Variants in TRIM55 observed in about 807,000 individuals in gnomAD.
The protein encoded by TRIM55 is tripartite motif containing 55, also known as tripartite motif-containing protein 55.
Under a neutral mutation model 60.9 loss-of-function variants are expected in TRIM55, and 50 were observed. The ratio of observed to expected loss-of-function variants is 0.82; its 90% CI spans 0.65 to 1.04. The LOEUF is 1.04. Ranked by LOEUF, TRIM55 falls within the 50% of genes least tolerant of loss-of-function variation. TRIM55 has a pLI of 0.00. For missense variants in TRIM55, 681 were observed against 666.9 expected (o/e 1.02, Z -0.23); for synonymous variants, 237 against 238.1 (o/e 1.00, Z 0.04).
Position 66,128,328 on chromosome 8 carries a change from A to G in TRIM55, c.193A>G (p.Arg65Gly), listed in dbSNP as rs760207046. ...FQASNPYLPT[R>G]GGTTMASGGR... Reference sequence around the variant, plus strand: ...GGCCTCTAACCCGTATTTGCCCACAAGAGGAGGTACCACCATGGCATCAGG... The same window carrying G: ...GGCCTCTAACCCGTATTTGCCCACAGGAGGAGGTACCACCATGGCATCAGG... The change falls in exon 2 of 10, where the codon AGA (arginine) becomes GGA (glycine). Residue 65 changes from arginine (R) to glycine (G), a missense_variant. Coordinates refer to ENST00000315962, the MANE Select transcript of TRIM55 (RefSeq NM_184085.2). 1.2e-6 allele frequency: 2 copies of G among 1,611,190 alleles called. No individual in the cohort carries two copies. Among genetic ancestry groups the G allele is most frequent in the East Asian group, 2.2e-5 (1 of 44,780 alleles).
chr8:66,165,951 G>C (rs117023806), intron 9 of TRIM55, among the ~76,000 whole-genome samples: 13 of 134,234 alleles, frequency 9.7e-5, no homozygotes, highest in Non-Finnish European at 1.9e-4. Flanking sequence ...ATTTTTCTGG[G>C]CTTTTTTTTT....
At chr8:66,143,902 T>A (rs1214894346) in intron 4 of TRIM55, among the ~76,000 whole-genome samples, 1 of 152,150 alleles carries the variant, frequency 6.6e-6, no homozygotes, top group Non-Finnish European at 1.5e-5. Context: ...AGAGTGATAA[T>A]TACCTGAGAG....
At chr8:66,165,667 T>A (rs1811288471) in intron 9 of TRIM55, among the ~76,000 whole-genome samples, 1 of 152,218 alleles carries the variant, frequency 6.6e-6, no homozygotes, top group Non-Finnish European at 1.5e-5. Flanking sequence ...GTTGCTGATA[T>A]GCCAGGCGCC....
At chr8:66,113,590 C>T in the TRIM55 span, 3 of 456,336 alleles carry the variant, frequency 6.6e-6, no homozygotes, top group East Asian at 7.0e-5. Context: ...GCCTCCCAGC[C>T]TGCACGGTAA....
Position 66,154,290 on chromosome 8 carries a change from G to C in TRIM55, c.1480G>C (p.Ala494Pro). ...AGCAGCCGCAGCGAGTGAGAGGGCAGCTGTGAGTGGTAAGGAAACTAGTGC... is the reference window on the plus strand; with the variant it reads ...AGCAGCCGCAGCGAGTGAGAGGGCACCTGTGAGTGGTAAGGAAACTAGTGC... ...VAAAAASERA[A>P]VSGKETSAPA... Residue 494 changes from alanine (A) to proline (P), a missense_variant, in exon 9 of 10, where the codon GCT (alanine) becomes CCT (proline). Coordinates refer to ENST00000315962, the MANE Select transcript of TRIM55 (RefSeq NM_184085.2). The C allele has an allele frequency of 6.2e-7, 1 of 1,614,124 alleles. No individual in the cohort carries two copies. The highest frequency in any genetic ancestry group is 8.5e-7 in the Non-Finnish European group (1 of 1,180,030).
intron 5 of TRIM55, 87 bp from the exon 6 acceptor site, chr8:66,150,130 C>T: frequency 6.8e-7 from 1 of 1,468,306 alleles, no homozygotes; most frequent in Non-Finnish European, 9.3e-7. Flanking sequence ...CTATGAGATT[C>T]TCAGAGTCAA....
At chr8:66,116,213 T>C in the TRIM55 span, among the ~76,000 whole-genome samples, 2 of 152,162 alleles carry the variant, frequency 1.3e-5, no homozygotes, top group Non-Finnish European at 2.9e-5. Flanking sequence ...AAAATTATAT[T>C]TATTAAGAAC....
In TRIM55 at chr8:66,150,612, A is replaced by G. The variant is rs1384484583; in HGVS notation, c.985+146A>G. 20 of 917,476 alleles carry G rather than the reference A, an allele frequency of 2.2e-5. No individual in the cohort carries two copies. In the African/African-American group the frequency reaches 2.7e-4, roughly 12 times the overall value. 56.8% of individuals were successfully genotyped at this position (917,476 alleles called of 1,614,324 possible). A position where few individuals can be genotyped will look rare whatever the true frequency, so the allele number is the denominator to read the frequency against. On this transcript the variant is annotated intron_variant, in intron 7 of 9. Coordinates refer to ENST00000315962, the MANE Select transcript of TRIM55 (RefSeq NM_184085.2). ...AGGATCATATCCAATGTGAAGCTCT[A>G]TTTCATTACAGGATCACATCGTTTG... is the stretch of plus-strand genomic sequence containing the variant.
intron 3 of TRIM55, among the ~76,000 whole-genome samples, chr8:66,135,547 T>C (rs567833421): frequency 3.3e-5 from 5 of 152,338 alleles, no homozygotes; most frequent in African/African-American, 1.2e-4. Context: ...CTTTTTACCC[T>C]AGTCACAGAA....
rs1306311041 is a variant in TRIM55, at chr8:66,154,279, G to A, written c.1469G>A (p.Ser490Asn). The A allele has an allele frequency of 1.2e-6, 2 of 1,614,170 alleles. No homozygotes were observed. The highest frequency in any genetic ancestry group is 1.7e-6 in the Non-Finnish European group (2 of 1,180,024). Reference protein sequence around the residue: ...RKAEVAAAAASERAAVSGKET... With the variant: ...RKAEVAAAAANERAAVSGKET... Reference sequence around the variant, plus strand: ...GCAGAAGTGGCAGCAGCCGCAGCGAGTGAGAGGGCAGCTGTGAGTGGTAAG... The same window carrying A: ...GCAGAAGTGGCAGCAGCCGCAGCGAATGAGAGGGCAGCTGTGAGTGGTAAG... Residue 490 changes from serine to asparagine, a missense_variant, in exon 9 of 10, where the codon AGT becomes AAT. Transcript: ENST00000315962.
chr8:66,150,137 T>C, intron 5 of TRIM55, 80 bp from the exon 6 acceptor site: 1 of 1,502,806 alleles, frequency 6.7e-7, no homozygotes, highest in Admixed American at 1.9e-5. Flanking sequence ...ATTCTCAGAG[T>C]CAACAAAGGA....
Position 66,154,055 on chromosome 8 carries a change from T to C in TRIM55, c.1245T>C (p.Val415=). The C allele has an allele frequency of 6.2e-7, 1 of 1,613,492 alleles. No individual in the cohort carries two copies. The highest frequency in any genetic ancestry group is 8.5e-7 in the Non-Finnish European group (1 of 1,179,678). Residue 415 remains valine (V), a synonymous_variant, in exon 9 of 10, where the codon GTT becomes GTC. Transcript: ENST00000315962. ...AADAPVTQGE[V]VPTGSEQTTE... is the part of the protein sequence containing the mutation. Reference sequence around the variant, plus strand: ...TATCTGTCCTGATTAAGGGGGAGGTTGTACCCACTGGCTCTGAGCAGACCA... The same window carrying C: ...TATCTGTCCTGATTAAGGGGGAGGTCGTACCCACTGGCTCTGAGCAGACCA...
At chr8:66,136,152 C>T (rs1054716098) in intron 3 of TRIM55, among the ~76,000 whole-genome samples, 3 of 152,172 alleles carry the variant, frequency 2.0e-5, no homozygotes, top group Non-Finnish European at 4.4e-5. Flanking sequence ...ATTCCCCCTT[C>T]TCTTCTGCCC....
upstream of TRIM55, among the ~76,000 whole-genome samples, chr8:66,126,535 T>C (rs1248236745): frequency 1.3e-5 from 2 of 152,206 alleles, no homozygotes; most frequent in East Asian, 3.8e-4. Context: ...ATGTATTTAT[T>C]TATTTATTAG....
intron 2 of TRIM55, among the ~76,000 whole-genome samples, chr8:66,130,276 A>T (rs1174678368): frequency 6.6e-6 from 1 of 152,214 alleles, no homozygotes; most frequent in Non-Finnish European, 1.5e-5. Flanking sequence ...CCAACAATAA[A>T]GCTCATAGTT....
At chr8:66,139,555 G>C (rs1007409033) in intron 4 of TRIM55, among the ~76,000 whole-genome samples, 1 of 152,188 alleles carries the variant, frequency 6.6e-6, no homozygotes, top group African/African-American at 2.4e-5. Context: ...TCAGCAGAAG[G>C]GATTAGTGCA....
At chr8:66,148,115 G>A (rs930359153) in intron 4 of TRIM55, among the ~76,000 whole-genome samples, 2 of 152,160 alleles carry the variant, frequency 1.3e-5, no homozygotes, top group Non-Finnish European at 2.9e-5. Flanking sequence ...CCTGCTCTCA[G>A]CTATAAAGGT....
chr8:66,156,325 C>G (rs998233127), intron 9 of TRIM55, among the ~76,000 whole-genome samples: 1 of 152,148 alleles, frequency 6.6e-6, no homozygotes, highest in Non-Finnish European at 1.5e-5. Flanking sequence ...ATTGCAGCCA[C>G]GTGAGACCTG....
At chr8:66,114,588 T>C in the TRIM55 span, 1 of 456,336 alleles carries the variant, frequency 2.2e-6, no homozygotes, top group Non-Finnish European at 4.4e-6. Context: ...AAGCTGCCCA[T>C]AGTTCGGGGA....
Sources: gnomAD v4.1 joint callset for allele counts (sites outside exome capture counted in the v4.1 genomes callset) on GRCh38, gnomAD v4.1.1 for gene constraint, MANE v1.5 for transcripts, NCBI Gene and HGNC (gene_info 2026-07-23, HGNC 2026-07-21) for gene names.